The following SLC39A8 variants were observed in gnomAD, a reference collection of about 807,000 sequenced individuals.
The protein encoded by SLC39A8 is metal cation symporter ZIP8.
Under a neutral mutation model 40.4 loss-of-function variants are expected in SLC39A8, and 15 were observed. That is an observed-to-expected ratio of 0.37 (90% CI 0.25 to 0.57). The LOEUF is 0.57. Ranked by LOEUF, SLC39A8 falls within the 20% of genes least tolerant of loss-of-function variation. SLC39A8 has a pLI of 0.75. For synonymous variants in SLC39A8, 223 were observed against 221.6 expected, an observed-to-expected ratio of 1.01 and a Z score of -0.06; for missense variants, 472 against 558.8, an observed-to-expected ratio of 0.84 and a Z score of 1.57.
chr4:102,345,281 C>T (rs539271640), intron 1 of SLC39A8, 64 bp downstream of exon 1: 1 of 152,722 alleles, frequency 6.5e-6, no homozygotes, highest in Non-Finnish European at 1.5e-5. Context: ...AAAGGGGACC[C>T]TCCCTCTCCC....
rs910437710 is a variant in SLC39A8 at position 102,261,725 on chromosome 4, A to G, written c.*1319T>C. 8.1e-6 allele frequency: 8 copies of G among 982,596 alleles called. No individual in the cohort carries two copies. The highest frequency in any genetic ancestry group is 9.7e-6 in the Non-Finnish European group (8 of 826,838). 60.9% of individuals were successfully genotyped at this position (982,596 alleles called of 1,614,324 possible). A position where few individuals can be genotyped will look rare whatever the true frequency, so the allele number is the denominator to read the frequency against. ...AATATTTTTTAATTGTCAGTCATAA[A>G]GTGAAATACATACTAAAATATATAT... On this transcript the variant is annotated 3_prime_UTR_variant, in exon 9 of 9. Transcript: ENST00000356736.
Position 102,344,732 on chromosome 4 carries a change from G to C in SLC39A8, c.-70C>G. The stretch of plus-strand genomic sequence containing the variant: ...CAGAGGGACGCGCGCGGGCGCACTG[G>C]CGTCCTTGCCCAAGGGCGGGAGCGT... On this transcript the variant is annotated 5_prime_UTR_variant, in exon 2 of 9. Transcript: ENST00000356736. 2 of 1,369,610 alleles carry C rather than the reference G, an allele frequency of 1.5e-6. No individual in the cohort carries two copies. The highest frequency in any genetic ancestry group is 1.9e-6 in the Non-Finnish European group (2 of 1,069,596). 84.8% of individuals were successfully genotyped at this position (1,369,610 alleles called of 1,614,324 possible).
At chr4:102,319,591 T>C (rs998361994) in intron 2 of SLC39A8, among the ~76,000 whole-genome samples, 1 of 152,020 alleles carries the variant, frequency 6.6e-6, no homozygotes, top group Non-Finnish European at 1.5e-5. Flanking sequence ...CCCTTAATGT[T>C]TCCTCTTAGT....
intron 4 of SLC39A8, among the ~76,000 whole-genome samples, chr4:102,305,409 T>C (rs1413666716): frequency 6.6e-6 from 1 of 151,978 alleles, no homozygotes; most frequent in Non-Finnish European, 1.5e-5. Context: ...GAGTAAACTT[T>C]TAGCAGTAAA....
chr4:102,263,284 G>A, intron 8 of SLC39A8, 91 bp from the exon 9 acceptor site: 1 of 1,154,556 alleles, frequency 8.7e-7, no homozygotes, highest in Non-Finnish European at 1.3e-6. Context: ...AGACAGTGTG[G>A]GTTTGGTTCC....
At chr4:102,296,678 A>C (rs1733690498) in intron 6 of SLC39A8, among the ~76,000 whole-genome samples, 1 of 152,134 alleles carries the variant, frequency 6.6e-6, no homozygotes, top group Non-Finnish European at 1.5e-5. Flanking sequence ...TGGCCTGTGT[A>C]ATTCCAAAGC....
chr4:102,345,023 T>A, intron 1 of SLC39A8, 108 bp from the exon 2 acceptor site: 2 of 606,564 alleles, frequency 3.3e-6, no homozygotes, highest in Non-Finnish European at 4.3e-6. Context: ...CGGCCGGGCA[T>A]GGGGCCAGAC....
intron 8 of SLC39A8, among the ~76,000 whole-genome samples, chr4:102,265,372 T>G (rs1327553353): frequency 6.6e-6 from 1 of 152,224 alleles, no homozygotes; most frequent in Non-Finnish European, 1.5e-5. Context: ...TTCACCATTT[T>G]ATACGAATGT....
intron 3 of SLC39A8, among the ~76,000 whole-genome samples, chr4:102,313,932 T>G (rs1056170441): frequency 3.9e-5 from 6 of 152,052 alleles, no homozygotes; most frequent in Non-Finnish European, 7.4e-5. Flanking sequence ...ATCCCCAGTC[T>G]TGACCTCTCC....
chr4:102,338,100 C>T (rs1383320906), intron 2 of SLC39A8, among the ~76,000 whole-genome samples: 1 of 152,058 alleles, frequency 6.6e-6, no homozygotes, highest in Non-Finnish European at 1.5e-5. Context: ...TCATATATGG[C>T]CTTGTGATAT....
intron 3 of SLC39A8, 101 bp downstream of exon 3, chr4:102,315,567 A>G: frequency 9.9e-7 from 1 of 1,007,464 alleles, no homozygotes; most frequent in African/African-American, 1.6e-5. Context: ...TTCTATGTAG[A>G]TTAATTAAAA....
intron 6 of SLC39A8, among the ~76,000 whole-genome samples, chr4:102,281,995 C>A (rs1578571776): frequency 1.3e-5 from 2 of 152,228 alleles, no homozygotes; most frequent in South Asian, 4.1e-4. Context: ...CTGTCCTACG[C>A]ATTTTACATA....
chr4:102,272,200 G>A (rs1002618481), intron 6 of SLC39A8, among the ~76,000 whole-genome samples: 1 of 151,934 alleles, frequency 6.6e-6, no homozygotes, highest in Admixed American at 6.6e-5. Context: ...TTGGGAGGCC[G>A]ACACAAGCAG....
intron 6 of SLC39A8, among the ~76,000 whole-genome samples, chr4:102,289,992 T>C (rs1185643474): frequency 6.6e-6 from 1 of 152,162 alleles, no homozygotes; most frequent in African/African-American, 2.4e-5. Flanking sequence ...GTGGGTAAAA[T>C]GCTGTCAAAC....
chr4:102,311,147 C>T (rs1190054234), intron 3 of SLC39A8, among the ~76,000 whole-genome samples: 1 of 152,042 alleles, frequency 6.6e-6, no homozygotes, highest in African/African-American at 2.4e-5. Context: ...GTGTTCAAAT[C>T]CCAGCTCATC....
At chr4:102,337,926 T>A (rs1299226559) in intron 2 of SLC39A8, among the ~76,000 whole-genome samples, 2 of 152,214 alleles carry the variant, frequency 1.3e-5, no homozygotes, top group East Asian at 3.8e-4. Context: ...TGAAAATTCA[T>A]CACATTTGGT....
chr4:102,330,334 G>A (rs953264738), intron 2 of SLC39A8, among the ~76,000 whole-genome samples: 1 of 152,056 alleles, frequency 6.6e-6, no homozygotes, highest in Non-Finnish European at 1.5e-5. Context: ...AAATGATAAA[G>A]GGGAAATTAC....
intron 3 of SLC39A8, among the ~76,000 whole-genome samples, chr4:102,311,472 C>A (rs571227449): frequency 6.6e-6 from 1 of 152,154 alleles, no homozygotes; most frequent in African/African-American, 2.4e-5. Flanking sequence ...GCCACTTAAC[C>A]TCTCTGGAAC....
At chr4:102,307,271 T>C (rs1426743458) in intron 4 of SLC39A8, among the ~76,000 whole-genome samples, 165 bp downstream of exon 4, 1 of 152,064 alleles carries the variant, frequency 6.6e-6, no homozygotes, top group Non-Finnish European at 1.5e-5. Flanking sequence ...CCACTGCAGC[T>C]TGGGACAAGC....
Sources: allele counts gnomAD v4.1 joint callset (sites outside exome capture counted in the v4.1 genomes callset), GRCh38; gene constraint gnomAD v4.1.1; transcripts MANE v1.5; gene names NCBI Gene and HGNC (gene_info 2026-07-23, HGNC 2026-07-21).